The following ELAPOR2 variants were observed in gnomAD, a reference collection of about 807,000 sequenced individuals.
ELAPOR2 encodes the protein endosome-lysosome associated apoptosis and autophagy regulator family member 2, also known as endosome/lysosome-associated apoptosis and autophagy regulator family member 2.
ELAPOR2 carries 89 observed loss-of-function variants against 120.7 expected under a neutral mutation model. That is an observed-to-expected ratio of 0.74 (90% CI 0.62 to 0.88). The LOEUF is 0.88. Among genes scored for constraint, ELAPOR2 ranks in the 40% least tolerant of loss-of-function variants. The pLI, the probability that ELAPOR2 is intolerant of heterozygous loss-of-function variation, is 0.00. For missense variants in ELAPOR2, 1,134 were observed against 1,251.6 expected (o/e 0.91, Z 1.42); for synonymous variants, 444 against 444.9 (o/e 1.00, Z 0.03).
intron 1 of ELAPOR2, among the ~76,000 whole-genome samples, chr7:87,043,979 C>T (rs1394354299): frequency 3.3e-5 from 5 of 149,586 alleles, no homozygotes; most frequent in African/African-American, 1.2e-4. Context: ...GACAGAGAGC[C>T]AAATCATGAG....
At chr7:86,893,686 A>G (rs1788299788) in intron 19 of ELAPOR2, among the ~76,000 whole-genome samples, 1 of 152,028 alleles carries the variant, frequency 6.6e-6, no homozygotes, top group South Asian at 2.1e-4. Context: ...CAAAATAAGG[A>G]GGGCATTATT....
intron 1 of ELAPOR2, among the ~76,000 whole-genome samples, chr7:86,976,711 G>C (rs1299168999): frequency 6.6e-6 from 1 of 152,132 alleles, no homozygotes; most frequent in Non-Finnish European, 1.5e-5. Context: ...GTCTACAGAG[G>C]ATTTTATAAG....
At chr7:87,053,785 T>A (rs569992665) in intron 1 of ELAPOR2, among the ~76,000 whole-genome samples, 47 of 152,310 alleles carry the variant, frequency 3.1e-4, no homozygotes, top group Admixed American at 1.5e-3. Flanking sequence ...CTGTGAGAGA[T>A]GTTCTCTCAC....
At chr7:87,038,648 T>C (rs748860578) in intron 1 of ELAPOR2, among the ~76,000 whole-genome samples, 1 of 152,044 alleles carries the variant, frequency 6.6e-6, no homozygotes, top group Non-Finnish European at 1.5e-5. Flanking sequence ...TTGGAAACTA[T>C]ACAAATACAT....
At chr7:86,932,842 T>C (rs1790390586) in intron 8 of ELAPOR2, among the ~76,000 whole-genome samples, 1 of 152,054 alleles carries the variant, frequency 6.6e-6, no homozygotes, top group Middle Eastern at 3.4e-3. Context: ...TTCTCAGTGC[T>C]TTTATATCTG....
chr7:86,987,911 G>A (rs1792809602), intron 1 of ELAPOR2, among the ~76,000 whole-genome samples: 1 of 152,040 alleles, frequency 6.6e-6, no homozygotes, highest in South Asian at 2.1e-4. Flanking sequence ...TGTTTATTGT[G>A]ACACTACTCA....
chr7:86,887,123 T>G (rs1277904645), intron 21 of ELAPOR2, among the ~76,000 whole-genome samples: 1 of 152,190 alleles, frequency 6.6e-6, no homozygotes, highest in Non-Finnish European at 1.5e-5. Flanking sequence ...TTACCCTTTT[T>G]GGATACCACT....
chr7:86,924,965 C>A (rs1434307972), intron 10 of ELAPOR2, among the ~76,000 whole-genome samples: 2 of 152,084 alleles, frequency 1.3e-5, no homozygotes, highest in Admixed American at 6.6e-5. Context: ...CCATCACATA[C>A]TGCAGAACAA....
chr7:86,913,110 A>C lies in ELAPOR2; in HGVS notation c.1826T>G (p.Leu609Arg). Residue 609 changes from leucine (L) to arginine (R), a missense_variant, in exon 14 of 22, where the codon CTC becomes CGC. Around this residue, in one of 3 missense-constraint regions of ELAPOR2, gnomAD observed 831 missense variants for 867.6 expected, o/e 0.96. Coordinates refer to ENST00000450689, the MANE Select transcript of ELAPOR2 (RefSeq NM_001142749.3). The stretch of plus-strand genomic sequence containing the variant: ...CGATGAACCCGACTGTTCAGAACCG[A>C]GGGCACAGGCACGGCATGAGGACGC... ...GVASSCRACA[L>R]GSEQSGSSCV... 6.2e-7 allele frequency: 1 copy of C among 1,614,050 alleles called. No homozygotes were observed. The highest frequency in any genetic ancestry group is 1.1e-5 in the South Asian group (1 of 91,064).
intron 1 of ELAPOR2, among the ~76,000 whole-genome samples, chr7:87,039,730 A>T (rs971334232): frequency 2.6e-5 from 4 of 152,056 alleles, no homozygotes; most frequent in African/African-American, 9.7e-5. Flanking sequence ...AAAAAAATTT[A>T]AAAACTAGGT....
chr7:87,049,132 A>C (rs1338868574), intron 1 of ELAPOR2, among the ~76,000 whole-genome samples: 1 of 152,218 alleles, frequency 6.6e-6, no homozygotes, highest in Non-Finnish European at 1.5e-5. Flanking sequence ...CTTGTTATCT[A>C]TATGAAGCTT....
At chr7:86,908,980 T>C (rs896887446) in intron 16 of ELAPOR2, among the ~76,000 whole-genome samples, 1 of 152,070 alleles carries the variant, frequency 6.6e-6, no homozygotes, top group African/African-American at 2.4e-5. Flanking sequence ...TTTTGTGCCC[T>C]AATAATTTCC....
chr7:86,977,654 C>T (rs955283387), intron 1 of ELAPOR2, among the ~76,000 whole-genome samples: 3 of 152,214 alleles, frequency 2.0e-5, no homozygotes, highest in African/African-American at 4.8e-5. Flanking sequence ...AATTCCTCAG[C>T]TTTGTCTGTT....
chr7:87,032,991 T>G (rs935842876), intron 1 of ELAPOR2, among the ~76,000 whole-genome samples: 1 of 152,064 alleles, frequency 6.6e-6, no homozygotes, highest in African/African-American at 2.4e-5. Context: ...AAAAAAGAAA[T>G]CATGTGAAAA....
intron 1 of ELAPOR2, among the ~76,000 whole-genome samples, chr7:86,970,879 C>G (rs947984961): frequency 6.6e-6 from 1 of 152,114 alleles, no homozygotes; most frequent in Non-Finnish European, 1.5e-5. Flanking sequence ...AACCTGAGTT[C>G]AATGTCTATC....
At position 86,965,902 on chromosome 7, in the gene ELAPOR2, A is replaced by T. The variant is rs1021559150; in HGVS notation, c.190-878T>A. 13 of 985,220 alleles carry T rather than the reference A, an allele frequency of 1.3e-5. No homozygotes were observed. In the African/African-American group the frequency reaches 2.3e-4, roughly 17 times the overall value. 61.0% of individuals were successfully genotyped at this position (985,220 alleles called of 1,614,324 possible). A position where few individuals can be genotyped will look rare whatever the true frequency, so the allele number is the denominator to read the frequency against. Reference sequence around the variant, plus strand: ...CTGTGTCAATGACAAGTGAGAATAGAAACATCAAGCCACATCACCATGCGG... The same window carrying T: ...CTGTGTCAATGACAAGTGAGAATAGTAACATCAAGCCACATCACCATGCGG... On this transcript the variant is annotated intron_variant, in intron 1 of 21. Transcript: ENST00000450689.
intron 1 of ELAPOR2, among the ~76,000 whole-genome samples, chr7:87,051,056 T>C (rs1004454385): frequency 6.6e-6 from 1 of 152,196 alleles, no homozygotes; most frequent in African/African-American, 2.4e-5. Flanking sequence ...TTGATAGGAT[T>C]CCAGGGGATG....
intron 13 of ELAPOR2, among the ~76,000 whole-genome samples, chr7:86,913,871 G>A (rs1334932609): frequency 1.3e-5 from 2 of 152,198 alleles, no homozygotes; most frequent in African/African-American, 4.8e-5. Flanking sequence ...TATCGGTACA[G>A]AGCAGTGTTA....
At chr7:86,946,815 C>T (rs886904430) in intron 3 of ELAPOR2, among the ~76,000 whole-genome samples, 1 of 152,136 alleles carries the variant, frequency 6.6e-6, no homozygotes, top group Non-Finnish European at 1.5e-5. Context: ...TATCTCCTGC[C>T]CACCAAAACA....
Sources: allele counts gnomAD v4.1 joint callset (sites outside exome capture counted in the v4.1 genomes callset), GRCh38; gene constraint gnomAD v4.1.1; regional missense constraint gnomAD v4.1.1; transcripts MANE v1.5; gene names NCBI Gene and HGNC (gene_info 2026-07-23, HGNC 2026-07-21).